CEP162: variants seen among roughly 807,000 people sequenced by gnomAD.
CEP162 encodes centrosomal protein 162, also known as centrosomal protein of 162 kDa.
CEP162 carries 141 observed loss-of-function variants against 169.2 expected under a neutral mutation model. The ratio of observed to expected loss-of-function variants is 0.83; its 90% CI spans 0.73 to 0.96. CEP162 has a LOEUF of 0.96. CEP162 is among the 40% of genes least tolerant of loss of function. The pLI is 0.00. For missense variants in CEP162, 1,600 were observed against 1,587.2 expected, an observed-to-expected ratio of 1.01 and a Z score of -0.14; for synonymous variants, 540 against 526.4, an observed-to-expected ratio of 1.03 and a Z score of -0.35.
intron 13 of CEP162, among the ~76,000 whole-genome samples, chr6:84,180,278 T>C (rs1192122186): frequency 6.6e-6 from 1 of 152,114 alleles, no homozygotes; most frequent in African/African-American, 2.4e-5. Flanking sequence ...GAAAAGGCCT[T>C]TGACAAAATT....
intron 21 of CEP162, 118 bp from the exon 22 acceptor site, chr6:84,155,628 C>G: frequency 1.5e-6 from 1 of 675,782 alleles, no homozygotes; most frequent in Non-Finnish European, 2.5e-6. Context: ...ATACCAATAA[C>G]AATCTTGCTG....
Position 84,174,898 on chromosome 6 carries a change from T to C in CEP162, c.1854A>G (p.Arg618=), listed in dbSNP as rs1380378446. The C allele has an allele frequency of 1.3e-6, 2 of 1,574,154 alleles. No individual in the cohort carries two copies. The highest frequency in any genetic ancestry group is 2.4e-5 in the South Asian group (2 of 84,854). Residue 618 remains arginine, a synonymous_variant, in exon 15 of 27, where the codon AGA becomes AGG. Transcript: ENST00000403245. ...TCCATTTATCCTCTGCTTCCTGAACTCTTTTAAACATAAGTAATTTCTTCT... is the reference window on the plus strand; with the variant it reads ...TCCATTTATCCTCTGCTTCCTGAACCCTTTTAAACATAAGTAATTTCTTCT... ...NKEKKLLMFK[R]VQEAEDKWRG... is the part of the protein sequence containing the mutation.
chr6:84,211,363 C>A (rs773951692), intron 6 of CEP162, among the ~76,000 whole-genome samples: 18 of 151,574 alleles, frequency 1.2e-4, no homozygotes, highest in Non-Finnish European at 2.4e-4. Flanking sequence ...CCCGTCTCTA[C>A]TAAAAATACA....
chr6:84,124,566 G>A lies in CEP162; in HGVS notation c.*504C>T. On this transcript the variant is annotated 3_prime_UTR_variant, in exon 27 of 27. Coordinates refer to ENST00000403245, the MANE Select transcript of CEP162 (RefSeq NM_014895.4). ...TAAAGATGGAGATAACAGACACTGG[G>A]GACTCCAATAGGGGAAAGAGTGTGA... 1 of 166,378 alleles carries A rather than the reference G, an allele frequency of 6.0e-6. No homozygotes were observed. The highest frequency in any genetic ancestry group is 1.3e-5 in the Non-Finnish European group (1 of 78,888). The allele number at this position is 166,378 out of a possible 1,614,324, so 10.3% of individuals were successfully genotyped here. A position where few individuals can be genotyped will look rare whatever the true frequency, so the allele number is the denominator to read the frequency against.
At chr6:84,187,594 T>C (rs1399543052) in intron 11 of CEP162, among the ~76,000 whole-genome samples, 4 of 152,204 alleles carry the variant, frequency 2.6e-5, no homozygotes, top group Non-Finnish European at 5.9e-5. Flanking sequence ...TACTAGTTTT[T>C]CCCTTTAGAA....
intron 13 of CEP162, among the ~76,000 whole-genome samples, chr6:84,184,139 C>T (rs934315846): frequency 6.6e-6 from 1 of 152,138 alleles, no homozygotes; most frequent in Non-Finnish European, 1.5e-5. Context: ...CACCAGATCC[C>T]GTTACAGCTC....
At chr6:84,176,158 AT>A (rs1562045142) in intron 13 of CEP162, among the ~76,000 whole-genome samples, 1 of 149,556 alleles carries the variant, frequency 6.7e-6, no homozygotes. Flanking sequence ...CAAAATTTTA[AT>A]TTTTAAAAAT....
intron 11 of CEP162, among the ~76,000 whole-genome samples, chr6:84,189,935 C>A (rs919217917): frequency 6.6e-6 from 1 of 152,088 alleles, no homozygotes; most frequent in Non-Finnish European, 1.5e-5. Flanking sequence ...CTGTACCAAT[C>A]GACACTCTGT....
At chr6:84,222,625 C>G (rs377255126) in intron 2 of CEP162, among the ~76,000 whole-genome samples, 2 of 152,258 alleles carry the variant, frequency 1.3e-5, no homozygotes, top group South Asian at 4.1e-4. Context: ...TAAGTTGCTA[C>G]TGTTAGTAAG....
chr6:84,174,912 G>A lies in CEP162; in HGVS notation c.1840C>T (p.Leu614Phe), dbSNP rs760825859. 6.3e-7 allele frequency: 1 copy of A among 1,583,688 alleles called. No individual in the cohort carries two copies. The change falls in exon 15 of 27, where the codon CTT becomes TTT. Residue 614 changes from leucine (L) to phenylalanine (F), a missense_variant. Physicochemically the swap from Leu to Phe is conservative, Grantham distance 22. Coordinates refer to ENST00000403245, the MANE Select transcript of CEP162 (RefSeq NM_014895.4). Reference protein sequence around the residue: ...YCGENKEKKLLMFKRVQEAED... With the variant: ...YCGENKEKKLFMFKRVQEAED... ...GCTTCCTGAACTCTTTTAAACATAA[G>A]TAATTTCTTCTCCTTGTTCTCACCA...
At chr6:84,174,673 G>A in intron 15 of CEP162, 54 bp downstream of exon 15, 4 of 754,802 alleles carry the variant, frequency 5.3e-6, no homozygotes, top group Non-Finnish European at 6.1e-6. Flanking sequence ...AGGGAATTCA[G>A]CTTTTTTTTT....
intron 22 of CEP162, among the ~76,000 whole-genome samples, chr6:84,153,716 G>A (rs925609449): frequency 6.6e-6 from 1 of 152,184 alleles, no homozygotes; most frequent in Non-Finnish European, 1.5e-5. Flanking sequence ...GGCACGAGCA[G>A]TGTTTGCTCA....
Position 84,215,347 on chromosome 6 carries a change from A to T in CEP162, c.438T>A (p.Ile146=), listed in dbSNP as rs377432940. The T allele has an allele frequency of 3.7e-6, 6 of 1,604,832 alleles. No individual in the cohort carries two copies. The highest frequency in any genetic ancestry group is 1.3e-5 in the African/African-American group (1 of 74,934). The stretch of plus-strand genomic sequence containing the variant: ...ATTCCTTATTTAATCTCGAATAATC[A>T]ATGGAAGATGTCAAGCCTTTCTCAA... The part of the protein sequence containing the change: ...ARLEKGLTSS[I]DYSRLNKELD... The change falls in exon 5 of 27, where the codon ATT becomes ATA. Residue 146 remains isoleucine (I), a synonymous_variant. Coordinates refer to ENST00000403245, the MANE Select transcript of CEP162 (RefSeq NM_014895.4).
At chr6:84,140,176 G>A (rs144447842) in intron 25 of CEP162, among the ~76,000 whole-genome samples, 279 of 152,298 alleles carry the variant, frequency 1.8e-3, no homozygotes, top group African/African-American at 5.1e-3. Context: ...GTGACAAGTG[G>A]TGTTCTCTTT....
At chr6:84,176,873 C>T (rs1389449005) in intron 13 of CEP162, among the ~76,000 whole-genome samples, 2 of 151,692 alleles carry the variant, frequency 1.3e-5, no homozygotes, top group Non-Finnish European at 2.9e-5. Flanking sequence ...ACTAAAGTAT[C>T]AAGTAATTAT....
At chr6:84,185,153 A>C (rs2099536554) in intron 13 of CEP162, 34 bp downstream of exon 13, 1 of 1,526,536 alleles carries the variant, frequency 6.6e-7, no homozygotes, top group Non-Finnish European at 9.0e-7. Flanking sequence ...CAAAGAAAGT[A>C]AAACAATATA....
chr6:84,158,996 A>G (rs1322254493), intron 21 of CEP162, among the ~76,000 whole-genome samples: 1 of 151,538 alleles, frequency 6.6e-6, no homozygotes, highest in South Asian at 2.1e-4. Flanking sequence ...ACAATCTAAA[A>G]TTTTCATTAC....
intron 17 of CEP162, among the ~76,000 whole-genome samples, chr6:84,170,932 T>C (rs1482768524): frequency 2.0e-5 from 3 of 152,178 alleles, no homozygotes. Flanking sequence ...CCGCAGCCCC[T>C]GACCCGGCAT....
At chr6:84,166,391 G>A (rs890649293) in intron 18 of CEP162, among the ~76,000 whole-genome samples, 13 of 152,168 alleles carry the variant, frequency 8.5e-5, no homozygotes, top group Admixed American at 3.9e-4. Context: ...TTCTCAGAGA[G>A]AGCTTTCCTG....
Sources: gnomAD v4.1 joint callset for allele counts (sites outside exome capture counted in the v4.1 genomes callset) on GRCh38, gnomAD v4.1.1 for gene constraint, MANE v1.5 for transcripts, NCBI Gene and HGNC (gene_info 2026-07-23, HGNC 2026-07-21) for gene names.